Variants in CACHD1 observed in about 807,000 individuals in gnomAD.
CACHD1 encodes VWFA and cache domain-containing protein 1.
Under a neutral mutation model 138.7 loss-of-function variants are expected in CACHD1, and 71 were observed. The ratio of observed to expected loss-of-function variants is 0.51; its 90% CI spans 0.42 to 0.62. The LOEUF (loss-of-function observed/expected upper bound fraction) is 0.62. Ranked by LOEUF, CACHD1 falls within the 20% of genes least tolerant of loss-of-function variation. CACHD1 has a pLI of 0.00. For missense variants in CACHD1, 1,389 were observed against 1,625.3 expected, an observed-to-expected ratio of 0.85 and a Z score of 2.50; for synonymous variants, 578 against 591.5, an observed-to-expected ratio of 0.98 and a Z score of 0.33.
chr1:64,566,636 C>T (rs1410523041), intron 2 of CACHD1, among the ~76,000 whole-genome samples: 5 of 149,330 alleles, frequency 3.3e-5, no homozygotes, highest in African/African-American at 9.8e-5. Context: ...AATGGTCTTT[C>T]GTTTTCCCCC....
intron 3 of CACHD1, among the ~76,000 whole-genome samples, chr1:64,590,807 A>AGTTCAGTT (rs1398079385): frequency 6.6e-6 from 1 of 152,184 alleles, no homozygotes. Flanking sequence ...ATAAGCAGTA[A>AGTTCAGTT]GTTCAGTTGT....
intron 5 of CACHD1, among the ~76,000 whole-genome samples, chr1:64,630,910 T>C (rs1057216842): frequency 7.2e-5 from 11 of 152,358 alleles, no homozygotes; most frequent in Non-Finnish European, 1.5e-4. Flanking sequence ...CTTGAACCTC[T>C]TTTCCCTTGG....
chr1:64,684,345 TTTC>T lies in CACHD1; in HGVS notation c.3586+2257_3586+2259del, dbSNP rs906556357. On this transcript the variant is annotated intron_variant, in intron 26 of 26. Coordinates refer to ENST00000651257, the MANE Select transcript of CACHD1 (RefSeq NM_020925.4). ...TCATATTCGTGGATTTTCTTTGTTT[TTTC>T]TTCTTCTTCTTCTTCTTTTTTTTTT... 1.4e-3 allele frequency among the ~76,000 whole-genome samples: 212 copies of T among 148,990 alleles called. 1 individual carries two copies. The highest frequency in any genetic ancestry group is 2.6e-3 in the East Asian group (13 of 5,034).
chr1:64,506,742 T>C (rs1369637800), intron 1 of CACHD1, among the ~76,000 whole-genome samples: 1 of 152,236 alleles, frequency 6.6e-6, no homozygotes, highest in Non-Finnish European at 1.5e-5. Context: ...CGTTACTTAC[T>C]GTGTTTAGAG....
At chr1:64,677,144 ATGT>A (rs1379180748) in intron 22 of CACHD1, 133 bp downstream of exon 22, 1 of 689,458 alleles carries the variant, frequency 1.5e-6, no homozygotes, top group South Asian at 1.9e-5. Flanking sequence ...ACCAGATTAA[ATGT>A]TGTCTCGTTC....
chr1:64,507,072 A>G (rs1218891507), intron 1 of CACHD1, among the ~76,000 whole-genome samples: 1 of 152,200 alleles, frequency 6.6e-6, no homozygotes, highest in Non-Finnish European at 1.5e-5. Flanking sequence ...GGTCCCAAGG[A>G]AAAAGGCCTT....
intron 26 of CACHD1, among the ~76,000 whole-genome samples, chr1:64,690,290 C>T (rs930955841): frequency 5.3e-5 from 8 of 152,150 alleles, no homozygotes; most frequent in African/African-American, 1.9e-4. Flanking sequence ...ACAATTTCAA[C>T]CACCAATGAC....
At chr1:64,617,102 A>G (rs1380884076) in intron 4 of CACHD1, among the ~76,000 whole-genome samples, 2 of 151,422 alleles carry the variant, frequency 1.3e-5, no homozygotes. Flanking sequence ...GCCCCAAACC[A>G]AACTGAACAT....
intron 3 of CACHD1, among the ~76,000 whole-genome samples, chr1:64,591,661 A>G (rs1647107393): frequency 6.6e-6 from 1 of 152,228 alleles, no homozygotes; most frequent in Non-Finnish European, 1.5e-5. Context: ...CTTTAAGGGA[A>G]TTCCACTTCT....
chr1:64,638,752 A>G (rs894455815), intron 7 of CACHD1, among the ~76,000 whole-genome samples: 52 of 152,262 alleles, frequency 3.4e-4, no homozygotes, highest in African/African-American at 1.2e-3. Context: ...TACATGCTGC[A>G]TCTCTGCTCT....
chr1:64,589,450 C>T (rs1647079526), intron 3 of CACHD1, among the ~76,000 whole-genome samples: 5 of 151,930 alleles, frequency 3.3e-5, no homozygotes, highest in East Asian at 1.9e-4. Flanking sequence ...AGATAGGGTC[C>T]TCCAAAGAAG....
rs562354884 is a variant in CACHD1, at chr1:64,567,567, G to A, written c.262-14589G>A. Among the ~76,000 whole-genome samples the A allele has an allele frequency of 3.3e-5, 5 of 152,164 alleles. No individual in the cohort carries two copies. The East Asian group carries it at 9.7e-4, about 29-fold the overall frequency. ...TTCTTCGCCTCATTTTGAGGAAATC[G>A]AGACTCAGAGACATTAAGTAATTTC... On this transcript the variant is annotated intron_variant, in intron 2 of 26. Transcript: ENST00000651257.
chr1:64,521,276 C>A (rs957035781), intron 1 of CACHD1, among the ~76,000 whole-genome samples: 1 of 152,186 alleles, frequency 6.6e-6, no homozygotes, highest in African/African-American at 2.4e-5. Flanking sequence ...CTGTGGCTAC[C>A]ATAGACGGCT....
At chr1:64,600,881 A>G (rs557995221) in intron 3 of CACHD1, among the ~76,000 whole-genome samples, 3 of 152,320 alleles carry the variant, frequency 2.0e-5, no homozygotes, top group African/African-American at 7.2e-5. Flanking sequence ...TTCCATTTCC[A>G]ATATGGTAGC....
chr1:64,546,114 T>G (rs944881503), intron 1 of CACHD1, among the ~76,000 whole-genome samples: 2 of 152,196 alleles, frequency 1.3e-5, no homozygotes, highest in Non-Finnish European at 2.9e-5. Flanking sequence ...GAGAGTTAAC[T>G]TCTGACTCCC....
At position 64,634,146 on chromosome 1, in the gene CACHD1, T is replaced by C. The variant is rs1648418001; in HGVS notation, c.892T>C (p.Ser298Pro). The change falls in exon 7 of 27, where the codon TCC becomes CCC. Residue 298 changes from serine (S) to proline (P), a missense_variant. This residue lies in a region of CACHD1 where 1,000 missense variants were observed against 1,114.7 expected (regional missense o/e 0.90). Transcript: ENST00000651257. ...PATSETKRKM[S>P]TFVSSVKSSD... Reference sequence around the variant, plus strand: ...CACCAGTGAGACAAAAAGGAAAATGTCCACCTTTGTTAGCAGCGTGAAGTC... The same window carrying C: ...CACCAGTGAGACAAAAAGGAAAATGCCCACCTTTGTTAGCAGCGTGAAGTC... The C allele has an allele frequency of 6.2e-7, 1 of 1,613,918 alleles. No homozygotes were observed. The highest frequency in any genetic ancestry group is 8.5e-7 in the Non-Finnish European group (1 of 1,179,972).
intron 5 of CACHD1, among the ~76,000 whole-genome samples, chr1:64,631,441 C>CT (rs1382447034): frequency 2.0e-5 from 3 of 152,122 alleles, no homozygotes; most frequent in Non-Finnish European, 4.4e-5. Context: ...TACTGCAGGA[C>CT]TTTGGGCTTG....
At chr1:64,521,068 T>A (rs1189523192) in intron 1 of CACHD1, among the ~76,000 whole-genome samples, 1 of 152,242 alleles carries the variant, frequency 6.6e-6, no homozygotes, top group Non-Finnish European at 1.5e-5. Context: ...CTAGGTTCTC[T>A]GCTCAGGGTC....
intron 4 of CACHD1, among the ~76,000 whole-genome samples, chr1:64,622,153 A>G (rs1262019092): frequency 4.6e-5 from 7 of 152,210 alleles, no homozygotes. Flanking sequence ...AAAGCCACCT[A>G]AGGCTCATGT....
Sources: gnomAD v4.1 joint callset for allele counts (sites outside exome capture counted in the v4.1 genomes callset) on GRCh38, gnomAD v4.1.1 for gene constraint, gnomAD v4.1.1 regional missense constraint, MANE v1.5 for transcripts, NCBI Gene and HGNC (gene_info 2026-07-23, HGNC 2026-07-21) for gene names.